Variants in NR3C1 observed in about 807,000 individuals in gnomAD.
NR3C1 encodes the protein glucocorticoid receptor.
NR3C1 carries 14 observed loss-of-function variants against 74.0 expected under a neutral mutation model. That is an observed-to-expected ratio of 0.19 (90% CI 0.12 to 0.30). NR3C1 has a LOEUF of 0.30. Ranked by LOEUF, NR3C1 falls within the 10% of genes least tolerant of loss-of-function variation. The pLI, the probability that NR3C1 is intolerant of heterozygous loss-of-function variation, is 1.00. For missense variants in NR3C1, 695 were observed against 909.8 expected (o/e 0.76, Z 3.04); for synonymous variants, 308 against 332.5 (o/e 0.93, Z 0.80).
At chr5:143,288,930 C>T (rs1815206984) in intron 7 of NR3C1, among the ~76,000 whole-genome samples, 1 of 151,914 alleles carries the variant, frequency 6.6e-6, no homozygotes, top group Non-Finnish European at 1.5e-5. Context: ...CATGGCGAAA[C>T]CCCGTCTCTA....
intron 2 of NR3C1, among the ~76,000 whole-genome samples, chr5:143,353,803 A>G (rs980620973): frequency 2.0e-5 from 3 of 152,098 alleles, no homozygotes; most frequent in African/African-American, 7.2e-5. Flanking sequence ...TGGAGTGGTA[A>G]ATGAGACCTG....
chr5:143,327,307 A>G (rs1455455043), intron 2 of NR3C1, among the ~76,000 whole-genome samples: 2 of 152,090 alleles, frequency 1.3e-5, no homozygotes, highest in African/African-American at 4.8e-5. Context: ...ACAGCATGGA[A>G]AAAACCCCCC....
chr5:143,390,136 A>G (rs2151912606), intron 2 of NR3C1: 1 of 154,898 alleles, frequency 6.5e-6, no homozygotes, highest in African/African-American at 2.4e-5. Context: ...GATCCATTTT[A>G]ACCTAGCATT....
intron 4 of NR3C1, among the ~76,000 whole-genome samples, chr5:143,305,415 A>T (rs1212035697): frequency 6.6e-6 from 1 of 152,176 alleles, no homozygotes; most frequent in Non-Finnish European, 1.5e-5. Context: ...AAGAAAAATA[A>T]ATCATTCTAT....
intron 4 of NR3C1, among the ~76,000 whole-genome samples, chr5:143,309,686 A>G (rs1375887892): frequency 6.6e-6 from 1 of 152,186 alleles, no homozygotes; most frequent in Non-Finnish European, 1.5e-5. Context: ...CAGATCTCCA[A>G]GTAAAAGGTA....
chr5:143,299,005 G>GTTTT lies in NR3C1; in HGVS notation c.1748-197_1748-194dup, dbSNP rs35039262. Among the ~76,000 whole-genome samples the GTTTT allele has an allele frequency of 1.1e-3, 115 of 106,712 alleles. 3 individuals are homozygous for GTTTT. The East Asian group carries it at 0.021, about 20-fold the overall frequency. The allele number at this position is 106,712 out of a possible 152,430, so 70.0% of individuals were successfully genotyped here. On this transcript the variant is annotated intron_variant, in intron 5 of 8. Transcript: ENST00000394464. The stretch of plus-strand genomic sequence containing the variant: ...CTTTAAGACTCACAAACCCTCTTGT[G>GTTTT]TTTTTTTTTTTTTTTTTTTTTTTAA...
chr5:143,418,576 A>T (rs1048344889), intron 1 of NR3C1, among the ~76,000 whole-genome samples: 3 of 152,132 alleles, frequency 2.0e-5, no homozygotes, highest in African/African-American at 7.2e-5. Flanking sequence ...CTGGAGATAG[A>T]GGTAAATAAG....
chr5:143,306,873 AATTTTTTTTTTTTTT>A, intron 4 of NR3C1, among the ~76,000 whole-genome samples: 1 of 134,016 alleles, frequency 7.5e-6, no homozygotes, highest in Non-Finnish European at 1.5e-5. Flanking sequence ...TGTATGCTTA[AATTTTTTTTTTTTTT>A]TTTTTTTTTT....
At chr5:143,327,422 C>T (rs904592597) in intron 2 of NR3C1, among the ~76,000 whole-genome samples, 2 of 152,190 alleles carry the variant, frequency 1.3e-5, no homozygotes, top group African/African-American at 4.8e-5. Flanking sequence ...TTATTTTGCA[C>T]TTGCTCCCTC....
At position 143,393,426 on chromosome 5, in the gene NR3C1, G is replaced by T. The variant is rs182515708; in HGVS notation, c.1184+6230C>A. 1.2e-4 allele frequency among the ~76,000 whole-genome samples: 19 copies of T among 152,190 alleles called. No homozygotes were observed. The East Asian group carries it at 3.5e-3, about 28-fold the overall frequency. ...ATTTTTGACTCCAAAGTACCTAGTT[G>T]GAGGCCATGGACTGTCTCCCTTAGC... On this transcript the variant is annotated intron_variant, in intron 2 of 8. Transcript: ENST00000394464.
chr5:143,344,217 C>T (rs977462002), intron 2 of NR3C1, among the ~76,000 whole-genome samples: 1 of 152,064 alleles, frequency 6.6e-6, no homozygotes, highest in Non-Finnish European at 1.5e-5. Context: ...AGTAGACTCC[C>T]AACAATTTTT....
At chr5:143,383,579 G>C (rs560965318) in intron 2 of NR3C1, among the ~76,000 whole-genome samples, 5 of 152,272 alleles carry the variant, frequency 3.3e-5, no homozygotes, top group African/African-American at 1.2e-4. Context: ...CAGATGAGGT[G>C]GGGGGCTATG....
At chr5:143,363,895 T>C (rs1425429480) in intron 2 of NR3C1, among the ~76,000 whole-genome samples, 1 of 150,624 alleles carries the variant, frequency 6.6e-6, no homozygotes, top group Non-Finnish European at 1.5e-5. Context: ...CTGGACAGAG[T>C]CTCAGAGACT....
chr5:143,403,967 G>C (rs573565118), upstream of NR3C1: 3 of 985,286 alleles, frequency 3.0e-6, no homozygotes, highest in Admixed American at 6.2e-5. Flanking sequence ...GGGTGGCGGC[G>C]GCAGCGGCGG....
chr5:143,298,563 G>T, intron 6 of NR3C1, 105 bp downstream of exon 6: 1 of 1,255,120 alleles, frequency 8.0e-7, no homozygotes, highest in Non-Finnish European at 1.1e-6. Flanking sequence ...ATACCTAGTA[G>T]GATTGTTTCA....
At chr5:143,371,226 C>T (rs965428424) in intron 2 of NR3C1, among the ~76,000 whole-genome samples, 2 of 152,062 alleles carry the variant, frequency 1.3e-5, no homozygotes, top group African/African-American at 4.8e-5. Flanking sequence ...ATTAGTAATA[C>T]CATAATTACC....
In NR3C1 at chr5:143,394,186, C is replaced by G. The variant is rs61751246; in HGVS notation, c.1184+5470G>C. Among the ~76,000 whole-genome samples the G allele has an allele frequency of 1.3e-5, 2 of 152,084 alleles. 1 individual carries two copies. The highest frequency in any genetic ancestry group is 4.1e-4 in the South Asian group (2 of 4,826). ...TATTTAAAAGCACTCGAAATTAATACTTGGGTTACTCTGAAAAAGCATGTT... is the reference window on the plus strand; with the variant it reads ...TATTTAAAAGCACTCGAAATTAATAGTTGGGTTACTCTGAAAAAGCATGTT... On this transcript the variant is annotated intron_variant, in intron 2 of 8. Transcript: ENST00000394464.
chr5:143,389,385 C>T (rs758686418), intron 2 of NR3C1, among the ~76,000 whole-genome samples: 11 of 152,150 alleles, frequency 7.2e-5, no homozygotes, highest in South Asian at 2.1e-4. Flanking sequence ...CTTCCACTTA[C>T]GAACATAATA....
chr5:143,346,236 G>GCC (rs1829263524), intron 2 of NR3C1, among the ~76,000 whole-genome samples: 1 of 152,190 alleles, frequency 6.6e-6, no homozygotes, highest in African/African-American at 2.4e-5. Context: ...CAGGGGCTGT[G>GCC]TCAGGGTCAT....
Sources: allele counts gnomAD v4.1 joint callset (sites outside exome capture counted in the v4.1 genomes callset), GRCh38; gene constraint gnomAD v4.1.1; transcripts MANE v1.5; gene names NCBI Gene and HGNC (gene_info 2026-07-23, HGNC 2026-07-21).